Variants in FNIP2 observed in about 807,000 individuals in gnomAD.
The protein encoded by FNIP2 is folliculin interacting protein 2.
Under a neutral mutation model 108.7 loss-of-function variants are expected in FNIP2, and 32 were observed. The ratio of observed to expected loss-of-function variants is 0.29; its 90% CI spans 0.22 to 0.40. FNIP2 has a LOEUF of 0.40. Among genes scored for constraint, FNIP2 ranks in the 10% least tolerant of loss-of-function variants. FNIP2 has a pLI of 1.00. For synonymous variants in FNIP2, 480 were observed against 496.7 expected (o/e 0.97, Z 0.45); for missense variants, 1,202 against 1,381.6 (o/e 0.87, Z 2.06).
intron 14 of FNIP2, chr4:158,871,917 A>G (rs1367794785): frequency 3.3e-5 from 33 of 985,108 alleles, no homozygotes; most frequent in Non-Finnish European, 4.0e-5. Context: ...GGCTGTATTT[A>G]TGTGTGTTTA....
At chr4:158,882,994 TA>T (rs35907414) in intron 14 of FNIP2, among the ~76,000 whole-genome samples, 260 of 134,440 alleles carry the variant, frequency 1.9e-3, no homozygotes, top group Non-Finnish European at 3.0e-3. Flanking sequence ...AATGATCAAT[TA>T]AAAAAAAAAA....
intron 14 of FNIP2, among the ~76,000 whole-genome samples, chr4:158,883,736 G>A (rs568161752): frequency 1.3e-5 from 2 of 152,246 alleles, no homozygotes; most frequent in East Asian, 1.9e-4. Context: ...ATAAAGATGG[G>A]GAACTTGTAG....
chr4:158,847,098 A>AGGTGCT (rs1779448373), intron 7 of FNIP2, among the ~76,000 whole-genome samples: 1 of 152,152 alleles, frequency 6.6e-6, no homozygotes, highest in Non-Finnish European at 1.5e-5. Context: ...CTGGAACTTG[A>AGGTGCT]GTTACAGAAA....
chr4:158,800,811 A>G (rs528316527), intron 1 of FNIP2, among the ~76,000 whole-genome samples: 20 of 152,174 alleles, frequency 1.3e-4, no homozygotes, highest in Non-Finnish European at 2.5e-4. Flanking sequence ...TTTATTTAAC[A>G]TAAGAATTTT....
intron 14 of FNIP2, among the ~76,000 whole-genome samples, chr4:158,887,731 T>C: frequency 1.4e-5 from 1 of 69,462 alleles, no homozygotes; most frequent in Admixed American, 1.5e-4. Flanking sequence ...AGTGAGACTC[T>C]GTCTCAAAAA....
intron 7 of FNIP2, among the ~76,000 whole-genome samples, chr4:158,843,090 A>AG (rs774208650): frequency 1.8e-4 from 28 of 152,206 alleles, no homozygotes; most frequent in Non-Finnish European, 3.4e-4. Flanking sequence ...CTTGAAGATA[A>AG]GTAGTGTCAT....
chr4:158,807,275 A>G (rs1777020467), intron 1 of FNIP2, among the ~76,000 whole-genome samples: 1 of 152,144 alleles, frequency 6.6e-6, no homozygotes, highest in Admixed American at 6.6e-5. Flanking sequence ...AGGTGGGAGG[A>G]TCACTTGAGC....
intron 1 of FNIP2, among the ~76,000 whole-genome samples, chr4:158,791,151 T>G (rs1373245404): frequency 6.6e-6 from 1 of 152,064 alleles, no homozygotes. Context: ...GAATTTGTGA[T>G]TTCTCCCTTA....
chr4:158,841,250 A>C (rs368947339), intron 7 of FNIP2, among the ~76,000 whole-genome samples: 1 of 152,168 alleles, frequency 6.6e-6, no homozygotes, highest in African/African-American at 2.4e-5. Flanking sequence ...TGGTTGCGAG[A>C]TAAGGCTGGG....
intron 10 of FNIP2, 41 bp downstream of exon 10, chr4:158,859,707 A>G: frequency 6.8e-7 from 1 of 1,467,620 alleles, no homozygotes; most frequent in South Asian, 1.2e-5. Flanking sequence ...GGAGATGTTT[A>G]TGAGCAGCCA....
Position 158,868,170 on chromosome 4 carries a change from G to A in FNIP2, c.1534G>A (p.Asp512Asn), listed in dbSNP as rs752248326. The change falls in exon 13 of 17, where the codon GAC becomes AAC. Residue 512 changes from aspartate to asparagine, a missense_variant. By Grantham distance (23) the Asp-to-Asn change is conservative. Around this residue, in one of 5 missense-constraint regions of FNIP2, gnomAD observed 878 missense variants for 990.3 expected, o/e 0.89. Coordinates refer to ENST00000264433, the MANE Select transcript of FNIP2 (RefSeq NM_020840.3). This position sits in a 1 kb window ranked among gnomAD's most constrained non-coding sequence, Gnocchi z 4.6. ...TRTVVVGKQK[D>N]LVQRILYVLT... Reference sequence around the variant, plus strand: ...CACCGTAGTGGTAGGGAAGCAGAAGGACTTAGTCCAGCGAATACTTTATGT... The same window carrying A: ...CACCGTAGTGGTAGGGAAGCAGAAGAACTTAGTCCAGCGAATACTTTATGT... 3.7e-6 allele frequency: 6 copies of A among 1,614,048 alleles called. No homozygotes were observed. The highest frequency in any genetic ancestry group is 5.1e-6 in the Non-Finnish European group (6 of 1,179,896).
At chr4:158,800,110 T>C (rs1776712008) in intron 1 of FNIP2, among the ~76,000 whole-genome samples, 1 of 152,212 alleles carries the variant, frequency 6.6e-6, no homozygotes, top group African/African-American at 2.4e-5. Flanking sequence ...CTGTTTCGTT[T>C]ATCAGGTTGG....
intron 1 of FNIP2, among the ~76,000 whole-genome samples, chr4:158,798,414 G>A (rs1776658591): frequency 6.6e-6 from 1 of 152,092 alleles, no homozygotes; most frequent in African/African-American, 2.4e-5. Context: ...TATAAGAGAT[G>A]GATAATTAGA....
chr4:158,833,515 TC>T lies in FNIP2; in HGVS notation c.555-12del. On this transcript the variant is annotated splice_polypyrimidine_tract_variant and intron_variant, in intron 5 of 16. Transcript: ENST00000264433. ...GTCCTCTTTCTCCTTTTCCCCCCCA[TC>T]TCCGGATATAGCTTGCAAGACAGCT... 1.3e-6 allele frequency: 2 copies of T among 1,543,698 alleles called. No individual in the cohort carries two copies. The highest frequency in any genetic ancestry group is 1.8e-6 in the Non-Finnish European group (2 of 1,140,428).
Position 158,891,431 on chromosome 4 carries a change from G to A in FNIP2, c.2950-15G>A. 3 of 1,578,426 alleles carry A rather than the reference G, an allele frequency of 1.9e-6. No individual in the cohort carries two copies. The highest frequency in any genetic ancestry group is 1.7e-4 in the Middle Eastern group (1 of 6,022). On this transcript the variant is annotated splice_polypyrimidine_tract_variant and intron_variant, in intron 14 of 16. Transcript: ENST00000264433. ...CCTGGATAAATAAACCCATCCCTTT[G>A]TGTTTCTTTTTCAGCATCCAGTCCT...
At chr4:158,898,104 C>T (rs11734388) in intron 16 of FNIP2, among the ~76,000 whole-genome samples, 34,889 of 152,070 alleles carry the variant, frequency 0.23, 5,214 homozygotes, top group Non-Finnish European at 0.34. Context: ...AATCCTTTCC[C>T]CACTGCTTGT....
At chr4:158,790,657 G>A (rs909739833) in intron 1 of FNIP2, among the ~76,000 whole-genome samples, 1 of 152,120 alleles carries the variant, frequency 6.6e-6, no homozygotes, top group African/African-American at 2.4e-5. Context: ...TGAGGTGGGA[G>A]GACCACTTGA....
In FNIP2 at chr4:158,902,474, T is replaced by A. The variant is rs1729405859; in HGVS notation, c.3267-1992T>A. 2.0e-5 allele frequency among the ~76,000 whole-genome samples: 3 copies of A among 152,224 alleles called. No individual in the cohort carries two copies. The South Asian group carries it at 6.2e-4, about 31-fold the overall frequency. On this transcript the variant is annotated intron_variant, in intron 16 of 16. Coordinates refer to ENST00000264433, the MANE Select transcript of FNIP2 (RefSeq NM_020840.3). Reference sequence around the variant, plus strand: ...GGATACACAGGGGTCAGGGATCCACTTGAGGAGGCAGTCTGACCCTTAGCA... The same window carrying A: ...GGATACACAGGGGTCAGGGATCCACATGAGGAGGCAGTCTGACCCTTAGCA...
chr4:158,769,349 G>A, intron 1 of FNIP2, 30 bp downstream of exon 1: 1 of 1,442,322 alleles, frequency 6.9e-7, no homozygotes, highest in Non-Finnish European at 9.2e-7. Flanking sequence ...CAATTCTGGC[G>A]CGGGACCCGA....
Sources: gnomAD v4.1 joint callset for allele counts (sites outside exome capture counted in the v4.1 genomes callset) on GRCh38, gnomAD v4.1.1 for gene constraint, gnomAD v4.1.1 regional missense constraint, Gnocchi (gnomAD v3.1) non-coding constraint, MANE v1.5 for transcripts, NCBI Gene and HGNC (gene_info 2026-07-23, HGNC 2026-07-21) for gene names.